Variants in DYM observed in about 807,000 individuals in gnomAD.
The protein encoded by DYM is dyggve-Melchior-Clausen syndrome protein.
In DYM, 78 loss-of-function variants were observed where a neutral mutation model predicts 93.1. The ratio of observed to expected loss-of-function variants is 0.84; its 90% CI spans 0.70 to 1.01. DYM has a LOEUF of 1.01. Among genes scored for constraint, DYM ranks in the 50% least tolerant of loss-of-function variants. The pLI is 0.00. For missense variants in DYM, 789 were observed against 845.0 expected, an observed-to-expected ratio of 0.93 and a Z score of 0.82; for synonymous variants, 321 against 319.7, an observed-to-expected ratio of 1.00 and a Z score of -0.04.
intron 2 of DYM, among the ~76,000 whole-genome samples, chr18:49,420,737 A>T (rs899451422): frequency 1.3e-5 from 2 of 152,120 alleles, no homozygotes; most frequent in Non-Finnish European, 2.9e-5. Context: ...CTCACCAGGG[A>T]AGTGCAAGGA....
At chr18:49,228,490 A>C (rs1298985172) in intron 13 of DYM, among the ~76,000 whole-genome samples, 3 of 152,162 alleles carry the variant, frequency 2.0e-5, no homozygotes, top group Non-Finnish European at 4.4e-5. Flanking sequence ...CAATCATTAT[A>C]ATCATCCCTG....
At chr18:49,283,489 GA>G (rs2095044069) in intron 9 of DYM, among the ~76,000 whole-genome samples, 1 of 151,762 alleles carries the variant, frequency 6.6e-6, no homozygotes, top group South Asian at 2.1e-4. Context: ...CCTGTATTAG[GA>G]AAAGTTCTTG....
At chr18:49,409,228 G>A (rs1462116053) in intron 2 of DYM, among the ~76,000 whole-genome samples, 1 of 147,552 alleles carries the variant, frequency 6.8e-6, no homozygotes, top group Non-Finnish European at 1.5e-5. Flanking sequence ...AGGTTGCAGT[G>A]AGCCGAGATT....
intron 15 of DYM, among the ~76,000 whole-genome samples, chr18:49,143,789 C>T (rs1384545537): frequency 2.6e-5 from 4 of 152,064 alleles, no homozygotes; most frequent in Non-Finnish European, 5.9e-5. Flanking sequence ...CAAAGACAGA[C>T]AGGATAGTAT....
At chr18:49,314,768 G>A (rs1387064139) in intron 8 of DYM, among the ~76,000 whole-genome samples, 2 of 152,082 alleles carry the variant, frequency 1.3e-5, no homozygotes, top group African/African-American at 4.8e-5. Flanking sequence ...GAACCAGCAG[G>A]GGGAATTCAG....
intron 8 of DYM, among the ~76,000 whole-genome samples, chr18:49,297,776 G>T (rs535587544): frequency 2.0e-4 from 30 of 151,052 alleles, no homozygotes; most frequent in Non-Finnish European, 3.8e-4. Flanking sequence ...AATAGCCTTA[G>T]AACAACAATG....
chr18:49,185,474 A>G (rs1027705992), intron 14 of DYM, among the ~76,000 whole-genome samples: 2 of 152,276 alleles, frequency 1.3e-5, no homozygotes, highest in Non-Finnish European at 2.9e-5. Flanking sequence ...GAGCTTCATA[A>G]TATTAAAGCT....
chr18:49,248,123 AT>A lies in DYM; in HGVS notation c.1460+8886del, dbSNP rs536111749. 3.3e-5 allele frequency among the ~76,000 whole-genome samples: 5 copies of A among 152,352 alleles called. No individual in the cohort carries two copies. In the South Asian group the frequency reaches 1.0e-3, roughly 32 times the overall value. On this transcript the variant is annotated intron_variant, in intron 13 of 17. Coordinates refer to ENST00000675505, the MANE Select transcript of DYM (RefSeq NM_001353214.3). ...TCTTTTAAAAAATGAAATCATATAC[AT>A]TTAAGAGAAGTATTTATACTGCAAG...
rs539739744 is a variant in DYM at position 49,195,766 on chromosome 18, G to A, written c.1625+13785C>T. Among the ~76,000 whole-genome samples the A allele has an allele frequency of 2.0e-5, 3 of 152,252 alleles. No individual in the cohort carries two copies. In the East Asian group the frequency reaches 5.8e-4, roughly 29 times the overall value. On this transcript the variant is annotated intron_variant, in intron 14 of 17. Transcript: ENST00000675505. ...GAAAATTTGTAAATTCTTTCACTGGGAGGAAAAGCAATGCAATTCCACAAA... is the reference window on the plus strand; with the variant it reads ...GAAAATTTGTAAATTCTTTCACTGGAAGGAAAAGCAATGCAATTCCACAAA...
At chr18:49,330,293 C>T (rs2063215810) in intron 8 of DYM, among the ~76,000 whole-genome samples, 1 of 151,884 alleles carries the variant, frequency 6.6e-6, no homozygotes, top group Non-Finnish European at 1.5e-5. Context: ...AATTTTAAAA[C>T]CGTGAGAAAA....
chr18:49,317,437 T>C (rs1388800780), intron 8 of DYM, among the ~76,000 whole-genome samples: 2 of 152,002 alleles, frequency 1.3e-5, no homozygotes, highest in Non-Finnish European at 1.5e-5. Context: ...AGAGAAGGCA[T>C]CTGAAATGGG....
chr18:49,421,725 C>T (rs1282989629), intron 2 of DYM, among the ~76,000 whole-genome samples: 2 of 152,126 alleles, frequency 1.3e-5, no homozygotes, highest in Non-Finnish European at 2.9e-5. Context: ...GGAGGATGTT[C>T]GAAACCATCG....
chr18:49,168,079 C>G (rs973704086), intron 14 of DYM, among the ~76,000 whole-genome samples: 1 of 151,744 alleles, frequency 6.6e-6, no homozygotes, highest in African/African-American at 2.4e-5. Context: ...AAATGAAAAA[C>G]AATATTACAC....
intron 14 of DYM, among the ~76,000 whole-genome samples, chr18:49,166,439 T>C (rs1361766055): frequency 6.6e-6 from 1 of 152,178 alleles, no homozygotes; most frequent in Non-Finnish European, 1.5e-5. Context: ...ATAAACAGCA[T>C]TGAAATGAAC....
At chr18:49,272,045 G>T in intron 11 of DYM, 133 bp downstream of exon 11, 11 of 539,886 alleles carry the variant, frequency 2.0e-5, no homozygotes, top group Non-Finnish European at 3.1e-5. Context: ...TAAATCTGAA[G>T]AAAGACATAA....
At chr18:49,182,098 G>T (rs1171045561) in intron 14 of DYM, among the ~76,000 whole-genome samples, 1 of 151,976 alleles carries the variant, frequency 6.6e-6, no homozygotes, top group African/African-American at 2.4e-5. Flanking sequence ...AAATATATGG[G>T]GATTTTCCAG....
intron 17 of DYM, chr18:49,093,252 AGCTGCATACACAAAG>A (rs1274137567): frequency 6.6e-6 from 1 of 152,232 alleles, no homozygotes; most frequent in African/African-American, 2.4e-5. Flanking sequence ...AGAACCCAGA[AGCTGCATACACAAAG>A]GCCTGGCATG....
chr18:49,350,905 A>G (rs1032368130), intron 6 of DYM, among the ~76,000 whole-genome samples: 9 of 152,144 alleles, frequency 5.9e-5, no homozygotes, highest in Admixed American at 3.3e-4. Flanking sequence ...TTTAGTACAG[A>G]AATTTTGATG....
chr18:49,331,837 G>A, intron 8 of DYM, 27 bp downstream of exon 8: 1 of 1,613,454 alleles, frequency 6.2e-7, no homozygotes, highest in Non-Finnish European at 8.5e-7. Context: ...GTGCACCAAA[G>A]AATTGAAAAA....
Sources: allele counts gnomAD v4.1 joint callset (sites outside exome capture counted in the v4.1 genomes callset), GRCh38; gene constraint gnomAD v4.1.1; transcripts MANE v1.5; gene names NCBI Gene and HGNC (gene_info 2026-07-23, HGNC 2026-07-21).